Variants in CEP162 observed in about 807,000 individuals in gnomAD.
The protein encoded by CEP162 is centrosomal protein 162.
Under a neutral mutation model 169.2 loss-of-function variants are expected in CEP162, and 141 were observed. That is an observed-to-expected ratio of 0.83 (90% CI 0.73 to 0.96). The LOEUF (loss-of-function observed/expected upper bound fraction) is 0.96. CEP162 is among the 40% of genes least tolerant of loss of function. The pLI, the probability that CEP162 is intolerant of heterozygous loss-of-function variation, is 0.00. For synonymous variants in CEP162, 540 were observed against 526.4 expected (o/e 1.03, Z -0.35); for missense variants, 1,600 against 1,587.2 (o/e 1.01, Z -0.14).
At position 84,162,065 on chromosome 6, in the gene CEP162, C is replaced by T. The variant is rs570394628; in HGVS notation, c.2513-156G>A. 8.5e-5 allele frequency among the ~76,000 whole-genome samples: 13 copies of T among 152,216 alleles called. 1 individual carries two copies. In the South Asian group the frequency reaches 2.7e-3, roughly 32 times the overall value. On this transcript the variant is annotated intron_variant, in intron 19 of 26. Transcript: ENST00000403245. ...ACAACTGATGTATACAACATAGTGT[C>T]TAGCTTAATCTATTAGTCAAAGGAA...
Position 84,215,312 on chromosome 6 carries a change from T to G in CEP162, c.473A>C (p.Asn158Thr), listed in dbSNP as rs1204964208. ...TAAAGCTTTAAAATGTGTAGAGTCA[T>G]TAGAATCCAATTCCTTATTTAATCT... Reference protein sequence around the residue: ...YSRLNKELDSNDSTHFKALHS... With the variant: ...YSRLNKELDSTDSTHFKALHS... The change falls in exon 5 of 27, where the codon AAT (asparagine) becomes ACT (threonine). Residue 158 changes from asparagine (N) to threonine (T), a missense_variant. By Grantham distance (65) the Asn-to-Thr change is moderately conservative (BLOSUM62 0). Transcript: ENST00000403245. 9.4e-6 allele frequency: 15 copies of G among 1,593,286 alleles called. No homozygotes were observed. Among genetic ancestry groups the G allele is most frequent in the Non-Finnish European group, 1.2e-5 (14 of 1,166,706 alleles).
chr6:84,127,293 T>C (rs2099509329), intron 25 of CEP162, among the ~76,000 whole-genome samples: 1 of 151,876 alleles, frequency 6.6e-6, no homozygotes, highest in Non-Finnish European at 1.5e-5. Context: ...ACTCTTGTTT[T>C]CTATGAAAAC....
At chr6:84,200,539 C>T (rs2099544053) in intron 9 of CEP162, among the ~76,000 whole-genome samples, 1 of 152,156 alleles carries the variant, frequency 6.6e-6, no homozygotes, top group South Asian at 2.1e-4. Flanking sequence ...CAGTGCTACA[C>T]TATTATCAAC....
chr6:84,213,077 T>C, intron 5 of CEP162, 53 bp from the exon 6 acceptor site: 1 of 1,083,376 alleles, frequency 9.2e-7, no homozygotes, highest in South Asian at 1.5e-5. Flanking sequence ...CATATTCTCA[T>C]GCAACTCTTT....
Position 84,149,675 on chromosome 6 carries a change from C to A in CEP162, c.3658G>T (p.Ala1220Ser). ...CTCTGATGAGATGCTTTGAGGGATG[C>A]AATGTGTGCTGCAGTATCTTCCTTG... ...RVKEDTAAHI[A>S]SLKASHQREI... Residue 1220 changes from alanine to serine, a missense_variant, in exon 24 of 27, where the codon GCA (alanine) becomes TCA (serine). Coordinates refer to ENST00000403245, the MANE Select transcript of CEP162 (RefSeq NM_014895.4). The A allele has an allele frequency of 6.3e-7, 1 of 1,581,676 alleles. No homozygotes were observed. Among genetic ancestry groups the A allele is most frequent in the South Asian group, 1.2e-5 (1 of 85,988 alleles).
intron 17 of CEP162, 24 bp downstream of exon 17, chr6:84,171,582 T>A (rs901102778): frequency 1.1e-6 from 1 of 933,278 alleles, no homozygotes; most frequent in Non-Finnish European, 1.6e-6. Flanking sequence ...TATATTTGAT[T>A]TTAAGAAGTT....
chr6:84,214,222 T>C (rs1248413217), intron 5 of CEP162, among the ~76,000 whole-genome samples: 2 of 152,180 alleles, frequency 1.3e-5, no homozygotes, highest in Non-Finnish European at 2.9e-5. Context: ...GAGCTTGCAG[T>C]GAGCCAAGAT....
In CEP162 at chr6:84,224,013, T is replaced by C. The variant is rs528891907; in HGVS notation, c.57+2324A>G. Among the ~76,000 whole-genome samples, 406 of 152,120 alleles carry C rather than the reference T, an allele frequency of 2.7e-3. 2 individuals carry two copies. Among genetic ancestry groups the C allele is most frequent in the African/African-American group, 9.5e-3 (394 of 41,518 alleles). The stretch of plus-strand genomic sequence containing the variant: ...AATAGGCAAACACACAGCTACCATA[T>C]GATACAGCAATTTCACTCTTTGGCA... On this transcript the variant is annotated intron_variant, in intron 2 of 26. Transcript: ENST00000403245.
In CEP162 at chr6:84,185,374, T is replaced by G; in HGVS notation, c.1476A>C (p.Arg492Ser). The part of the protein sequence containing the change: ...MGKQVPYKKA[R>S]SAPPLLKRKP... Reference sequence around the variant, plus strand: ...TCCTTTTAAGTAAAGGAGGTGCACTTCTGGCCTTCTTGTATGGTACCTGTT... The same window carrying G: ...TCCTTTTAAGTAAAGGAGGTGCACTGCTGGCCTTCTTGTATGGTACCTGTT... The change falls in exon 13 of 27, where the codon AGA becomes AGC. Residue 492 changes from arginine to serine, a missense_variant. Transcript: ENST00000403245. 1.2e-6 allele frequency: 2 copies of G among 1,613,676 alleles called. No homozygotes were observed. The highest frequency in any genetic ancestry group is 1.7e-6 in the Non-Finnish European group (2 of 1,179,628).
chr6:84,215,659 A>T, intron 4 of CEP162, 117 bp downstream of exon 4: 1 of 1,349,100 alleles, frequency 7.4e-7, no homozygotes, highest in Non-Finnish European at 1.0e-6. Context: ...AACCTCTAGG[A>T]AGATATTAAA....
intron 12 of CEP162, 82 bp from the exon 13 acceptor site, chr6:84,185,530 A>G (rs932391097): frequency 1.7e-6 from 2 of 1,191,664 alleles, no homozygotes; most frequent in Non-Finnish European, 2.4e-6. Flanking sequence ...AGATGGCAAA[A>G]CAATAGTGAT....
At chr6:84,141,423 A>AAATT in intron 25 of CEP162, among the ~76,000 whole-genome samples, 1 of 152,264 alleles carries the variant, frequency 6.6e-6, no homozygotes, top group South Asian at 2.1e-4. Context: ...CATCTGCTAT[A>AAATT]AATTCCTCCT....
rs1489820321 is a variant in CEP162 at position 84,185,414 on chromosome 6, CCTT to C, written c.1433_1435del (p.Glu478del). The C allele has an allele frequency of 1.9e-6, 3 of 1,613,188 alleles. No homozygotes were observed. In the Admixed American group the frequency reaches 5.0e-5, roughly 27 times the overall value. Reference sequence around the variant, plus strand: ...TGGTACCTGTTTACCCATTACAGCCCCTTCTTCTTCAGAACTAAGTTGAGATCT... The same window carrying C: ...TGGTACCTGTTTACCCATTACAGCCCCTTCTTCAGAACTAAGTTGAGATCT... On this transcript the variant is annotated inframe_deletion, in exon 13 of 27. Transcript: ENST00000403245.
intron 25 of CEP162, among the ~76,000 whole-genome samples, chr6:84,137,116 G>A (rs1447676037): frequency 6.6e-6 from 1 of 152,194 alleles, no homozygotes; most frequent in East Asian, 1.9e-4. Context: ...CAGGTGGTAT[G>A]AGTCTTATTT....
chr6:84,180,987 A>C (rs1334477301), intron 13 of CEP162, among the ~76,000 whole-genome samples: 1 of 152,216 alleles, frequency 6.6e-6, no homozygotes, highest in African/African-American at 2.4e-5. Flanking sequence ...CAGAATTGGA[A>C]AAAACTACTT....
chr6:84,212,881 T>C (rs1211120770), intron 6 of CEP162, 76 bp downstream of exon 6: 1 of 926,404 alleles, frequency 1.1e-6, no homozygotes, highest in Non-Finnish European at 1.7e-6. Context: ...CTTTTAATTA[T>C]TTTTCTTATT....
At chr6:84,200,705 A>G (rs1035525159) in intron 9 of CEP162, 84 bp downstream of exon 9, 4 of 564,582 alleles carry the variant, frequency 7.1e-6, no homozygotes, top group Non-Finnish European at 1.3e-5. Flanking sequence ...TAGTTATTAT[A>G]TATATATTTC....
intron 11 of CEP162, among the ~76,000 whole-genome samples, chr6:84,188,555 C>T (rs554305823): frequency 5.9e-5 from 9 of 152,268 alleles, no homozygotes; most frequent in African/African-American, 1.7e-4. Flanking sequence ...GTGCAAAGAA[C>T]GTGACCTCAT....
chr6:84,185,338 A>G lies in CEP162; in HGVS notation c.1512T>C (p.Ser504=). 6.2e-7 allele frequency: 1 copy of G among 1,613,312 alleles called. No homozygotes were observed. The highest frequency in any genetic ancestry group is 8.5e-7 in the Non-Finnish European group (1 of 1,179,652). The change falls in exon 13 of 27, where the codon AGT becomes AGC. Residue 504 remains serine, a synonymous_variant. Transcript: ENST00000403245. ...APPLLKRKPQ[S]GLYASVRSSG... The stretch of plus-strand genomic sequence containing the variant: ...AGCTCCTAACTGACGCATATAATCC[A>G]CTCTGGGGTTTCCTTTTAAGTAAAG...
Sources: gnomAD v4.1 joint callset for allele counts (sites outside exome capture counted in the v4.1 genomes callset) on GRCh38, gnomAD v4.1.1 for gene constraint, MANE v1.5 for transcripts, NCBI Gene and HGNC (gene_info 2026-07-23, HGNC 2026-07-21) for gene names.